The following COL4A2 variants were observed in gnomAD, a reference collection of about 807,000 sequenced individuals.
COL4A2 encodes the protein collagen type IV alpha 2 chain, also known as collagen alpha-2(IV) chain.
A neutral mutation model predicts 200.2 loss-of-function variants in COL4A2; 99 were observed. That is an observed-to-expected ratio of 0.49 (90% CI 0.42 to 0.58). The LOEUF (loss-of-function observed/expected upper bound fraction) is 0.58, where lower values mean the gene tolerates loss of function less well. Ranked by LOEUF, COL4A2 falls within the 20% of genes least tolerant of loss-of-function variation. COL4A2 has a pLI of 0.00. For synonymous variants in COL4A2, 897 were observed against 900.6 expected (o/e 1.00, Z 0.07); for missense variants, 1,950 against 2,314.1 (o/e 0.84, Z 3.23).
At chr13:110,496,998 C>T (rs28526236) in intron 40 of COL4A2, among the ~76,000 whole-genome samples, 3 of 150,738 alleles carry the variant, frequency 2.0e-5, no homozygotes, top group Admixed American at 2.0e-4. Context: ...TAGGGTCAGT[C>T]CACCAGCACA....
At chr13:110,430,315 GC>G in intron 8 of COL4A2, 85 bp from the exon 9 acceptor site, 9 of 1,556,068 alleles carry the variant, frequency 5.8e-6, no homozygotes, top group Non-Finnish European at 6.1e-6. Context: ...TGTTTGATAT[GC>G]TTATTTCCAA....
chr13:110,506,241 G>T (rs146525317), intron 45 of COL4A2, among the ~76,000 whole-genome samples, 174 bp from the exon 46 acceptor site: 1 of 136,308 alleles, frequency 7.3e-6, no homozygotes, highest in African/African-American at 2.8e-5. Context: ...CGGGCTGCAG[G>T]TACACCAGGC....
Position 110,334,440 on chromosome 13 carries a change from G to C in COL4A2, c.100-23032G>C, listed in dbSNP as rs561238212. On this transcript the variant is annotated intron_variant, in intron 3 of 47. Coordinates refer to ENST00000360467, the MANE Select transcript of COL4A2 (RefSeq NM_001846.4). ...GACCACAGAGCAGCCGTCTGCCTGGGGAGCAGACCCATGGCCGCATTCCAG... is the reference window on the plus strand; with the variant it reads ...GACCACAGAGCAGCCGTCTGCCTGGCGAGCAGACCCATGGCCGCATTCCAG... Among the ~76,000 whole-genome samples the C allele has an allele frequency of 2.6e-5, 4 of 152,316 alleles. No homozygotes were observed. In the South Asian group the frequency reaches 8.3e-4, roughly 32 times the overall value.
In COL4A2 at chr13:110,512,392, T is replaced by G. The variant is rs1382034234; in HGVS notation, c.*201T>G. The stretch of plus-strand genomic sequence containing the variant: ...CTCGGGGTCCCTGGAGGGCAAGCCC[T>G]GCCCACAGAAAGCCAGGAGCAGCCC... On this transcript the variant is annotated 3_prime_UTR_variant, in exon 48 of 48. Transcript: ENST00000360467. 1.1e-6 allele frequency: 1 copy of G among 890,634 alleles called. No individual in the cohort carries two copies. The highest frequency in any genetic ancestry group is 1.8e-5 in the South Asian group (1 of 54,234). 55.2% of individuals were successfully genotyped at this position (890,634 alleles called of 1,614,324 possible).
chr13:110,439,925 T>C, intron 16 of COL4A2, 92 bp downstream of exon 16: 2 of 1,523,978 alleles, frequency 1.3e-6, no homozygotes, highest in Non-Finnish European at 1.8e-6. Context: ...GGAAAGAAAA[T>C]TGTCTCCAGA....
intron 3 of COL4A2, among the ~76,000 whole-genome samples, chr13:110,347,900 G>T (rs1357754158): frequency 6.6e-6 from 1 of 152,268 alleles, no homozygotes; most frequent in Admixed American, 6.5e-5. Flanking sequence ...TGACTCAGGG[G>T]AGGGCACCGA....
chr13:110,430,428 G>A lies in COL4A2; in HGVS notation c.577G>A (p.Gly193Ser), dbSNP rs775479003. The change falls in exon 9 of 48, where the codon GGT (glycine) becomes AGT (serine). Residue 193 changes from glycine to serine, a missense_variant. By Grantham distance (56) the Gly-to-Ser change is moderately conservative. Coordinates refer to ENST00000360467, the MANE Select transcript of COL4A2 (RefSeq NM_001846.4). The stretch of plus-strand genomic sequence containing the variant: ...TGAACCTGGAGAGCCTGGATTGGTC[G>A]GTTTCCAGGTAAGTTTATTTTTATT... The part of the protein sequence containing the change: ...RGEPGEPGLV[G>S]FQGPPGRPGH... The A allele has an allele frequency of 3.3e-5, 53 of 1,613,944 alleles. No homozygotes were observed. Among genetic ancestry groups the A allele is most frequent in the African/African-American group, 5.3e-5 (4 of 74,902 alleles).
At chr13:110,320,434 G>T (rs2139350543) in intron 3 of COL4A2, among the ~76,000 whole-genome samples, 1 of 152,332 alleles carries the variant, frequency 6.6e-6, no homozygotes, top group East Asian at 1.9e-4. Context: ...AAACAAATGA[G>T]TTATTTCACT....
At position 110,455,198 on chromosome 13, in the gene COL4A2, T is replaced by C. The variant is rs747693786; in HGVS notation, c.1340-2145T>C. The stretch of plus-strand genomic sequence containing the variant: ...CGCGTAGCCTCCCTCCTTGATGCCC[T>C]TTAATGGCTTCCTACTGCCCTCGGG... On this transcript the variant is annotated intron_variant, in intron 20 of 47. Transcript: ENST00000360467. 2.6e-5 allele frequency among the ~76,000 whole-genome samples: 4 copies of C among 152,168 alleles called. No individual in the cohort carries two copies. The South Asian group carries it at 8.3e-4, about 32-fold the overall frequency.
intron 3 of COL4A2, among the ~76,000 whole-genome samples, chr13:110,345,617 G>T (rs986259485): frequency 6.6e-6 from 1 of 152,256 alleles, no homozygotes; most frequent in Non-Finnish European, 1.5e-5. Context: ...CCTGATATGG[G>T]CTCTCAACTA....
intron 4 of COL4A2, among the ~76,000 whole-genome samples, chr13:110,420,709 C>T (rs1234265625): frequency 6.6e-6 from 1 of 152,186 alleles, no homozygotes; most frequent in Non-Finnish European, 1.5e-5. Context: ...CGATGATTAG[C>T]ACAGAGGAAA....
At chr13:110,310,751 T>G (rs554237703) in intron 3 of COL4A2, among the ~76,000 whole-genome samples, 1 of 152,338 alleles carries the variant, frequency 6.6e-6, no homozygotes, top group Non-Finnish European at 1.5e-5. Context: ...CGGAAGCAGC[T>G]AGGATGGGCA....
At chr13:110,399,353 C>T (rs571045421) in intron 4 of COL4A2, among the ~76,000 whole-genome samples, 1 of 152,258 alleles carries the variant, frequency 6.6e-6, no homozygotes, top group African/African-American at 2.4e-5. Context: ...ACCTTGATGG[C>T]CATCATATAT....
At chr13:110,378,392 C>T (rs1419850268) in intron 4 of COL4A2, among the ~76,000 whole-genome samples, 1 of 152,206 alleles carries the variant, frequency 6.6e-6, no homozygotes, top group Non-Finnish European at 1.5e-5. Flanking sequence ...GATACACTAG[C>T]AAGTCTCCTT....
intron 4 of COL4A2, among the ~76,000 whole-genome samples, chr13:110,373,293 T>C (rs1167906558): frequency 6.6e-6 from 1 of 152,244 alleles, no homozygotes; most frequent in Non-Finnish European, 1.5e-5. Flanking sequence ...GATTTACAAA[T>C]GTTAGCCTTC....
chr13:110,379,180 G>A (rs930298079), intron 4 of COL4A2, among the ~76,000 whole-genome samples: 1 of 152,194 alleles, frequency 6.6e-6, no homozygotes, highest in African/African-American at 2.4e-5. Flanking sequence ...ACTGTGGAGA[G>A]GGTGTTTCTG....
rs533187907 is a variant in COL4A2, at chr13:110,510,323, T to C, written c.4882-1611T>C. Among the ~76,000 whole-genome samples, 229 of 152,248 alleles carry C rather than the reference T, an allele frequency of 1.5e-3. 1 individual carries two copies. The highest frequency in any genetic ancestry group is 2.5e-3 in the Non-Finnish European group (172 of 68,014). On this transcript the variant is annotated intron_variant, in intron 47 of 47. Transcript: ENST00000360467. ...CAGACTGCAGCAGCAAAAGTCATTT[T>C]CCTCCCCTCCCCTCGGTGGCCTCTC... is the stretch of plus-strand genomic sequence containing the variant.
At chr13:110,346,035 C>T (rs1034452830) in intron 3 of COL4A2, among the ~76,000 whole-genome samples, 1 of 152,140 alleles carries the variant, frequency 6.6e-6, no homozygotes, top group African/African-American at 2.4e-5. Context: ...ATCTGGGCAA[C>T]CCCAGCCAGG....
intron 4 of COL4A2, among the ~76,000 whole-genome samples, chr13:110,397,126 C>A (rs1166354874): frequency 1.3e-5 from 2 of 152,200 alleles, no homozygotes; most frequent in South Asian, 2.1e-4. Flanking sequence ...ATCACATGAC[C>A]GTCGGAGAGT....
Sources: gnomAD v4.1 joint callset for allele counts (sites outside exome capture counted in the v4.1 genomes callset) on GRCh38, gnomAD v4.1.1 for gene constraint, MANE v1.5 for transcripts, NCBI Gene and HGNC (gene_info 2026-07-23, HGNC 2026-07-21) for gene names.